EFCAB6: variants seen among roughly 807,000 people sequenced by gnomAD.
The protein encoded by EFCAB6 is EF-hand calcium-binding domain-containing protein 6.
Under a neutral mutation model 169.8 loss-of-function variants are expected in EFCAB6, and 156 were observed. The observed-to-expected ratio is 0.92, with a 90% confidence interval of 0.81 to 1.05. The LOEUF (loss-of-function observed/expected upper bound fraction) is 1.05, where lower values mean the gene tolerates loss of function less well. Ranked by LOEUF, EFCAB6 falls within the 50% of genes least tolerant of loss-of-function variation. The probability of loss-of-function intolerance (pLI) is 0.00; values close to 1 mark genes in which losing one functional copy is unlikely to be tolerated. For missense variants in EFCAB6, 1,800 were observed against 1,829.1 expected (o/e 0.98, Z 0.29); for synonymous variants, 698 against 676.4 (o/e 1.03, Z -0.50).
chr22:43,633,364 A>G (rs1189349895), intron 18 of EFCAB6, among the ~76,000 whole-genome samples: 2 of 152,230 alleles, frequency 1.3e-5, no homozygotes, highest in African/African-American at 4.8e-5. Flanking sequence ...CCTGGCCAAC[A>G]TGGTGAAACC....
chr22:43,752,172 C>T (rs966961618), intron 6 of EFCAB6, among the ~76,000 whole-genome samples: 4 of 137,936 alleles, frequency 2.9e-5, no homozygotes, highest in African/African-American at 1.1e-4. Context: ...GGCTGGAGTA[C>T]AGTGGCACTA....
chr22:43,731,184 TAA>T (rs2059933488), intron 8 of EFCAB6, among the ~76,000 whole-genome samples: 1 of 152,064 alleles, frequency 6.6e-6, no homozygotes, highest in African/African-American at 2.4e-5. Context: ...GAGGCTGGAG[TAA>T]AGACTGTTCG....
chr22:43,587,440 C>T (rs2051152107), intron 24 of EFCAB6, among the ~76,000 whole-genome samples: 1 of 152,200 alleles, frequency 6.6e-6, no homozygotes, highest in Non-Finnish European at 1.5e-5. Flanking sequence ...AATGAGTTCC[C>T]TGTTGTTGGC....
intron 2 of EFCAB6, 131 bp from the exon 3 acceptor site, chr22:43,782,456 TTG>T: frequency 1.3e-6 from 1 of 742,424 alleles, no homozygotes; most frequent in Non-Finnish European, 2.1e-6. Flanking sequence ...ATAATCTGCT[TTG>T]CTGATGTTTC....
intron 26 of EFCAB6, among the ~76,000 whole-genome samples, chr22:43,557,346 A>T (rs186499778): frequency 6.6e-6 from 1 of 152,384 alleles, no homozygotes; most frequent in East Asian, 1.9e-4. Context: ...ACAAAGTATT[A>T]TGTGCAACCT....
chr22:43,697,810 G>A (rs1211666761), intron 10 of EFCAB6, among the ~76,000 whole-genome samples: 2 of 152,126 alleles, frequency 1.3e-5, no homozygotes, highest in Non-Finnish European at 1.5e-5. Context: ...ATCGTAGCAT[G>A]TGACTTCACG....
intron 27 of EFCAB6, among the ~76,000 whole-genome samples, chr22:43,541,919 T>C (rs898875391): frequency 1.3e-5 from 2 of 152,238 alleles, no homozygotes; most frequent in East Asian, 1.9e-4. Flanking sequence ...TGTTTGCTCA[T>C]TGGCTGAAGT....
At chr22:43,734,332 C>T (rs1459774650) in intron 7 of EFCAB6, among the ~76,000 whole-genome samples, 1 of 152,172 alleles carries the variant, frequency 6.6e-6, no homozygotes, top group Non-Finnish European at 1.5e-5. Flanking sequence ...TACTTTTGAT[C>T]TTCTGTGTTT....
At chr22:43,703,408 T>C (rs1472612386) in intron 10 of EFCAB6, among the ~76,000 whole-genome samples, 1 of 152,162 alleles carries the variant, frequency 6.6e-6, no homozygotes, top group East Asian at 1.9e-4. Context: ...TGGTTGTCTT[T>C]TCAAATGCAT....
At chr22:43,777,227 G>A (rs1363921371) in intron 3 of EFCAB6, among the ~76,000 whole-genome samples, 4 of 152,332 alleles carry the variant, frequency 2.6e-5, no homozygotes, top group East Asian at 1.9e-4. Flanking sequence ...CGAGAGACCC[G>A]TTTAGCCAGT....
intron 27 of EFCAB6, 112 bp from the exon 28 acceptor site, chr22:43,540,469 G>A (rs760410320): frequency 2.4e-5 from 37 of 1,571,120 alleles, no homozygotes; most frequent in South Asian, 2.3e-5. Context: ...GAGCACTCAC[G>A]TGACTGGTGA....
At chr22:43,623,617 C>A (rs1300317845) in intron 20 of EFCAB6, among the ~76,000 whole-genome samples, 1 of 150,760 alleles carries the variant, frequency 6.6e-6, no homozygotes, top group Non-Finnish European at 1.5e-5. Flanking sequence ...GGTATCCGGC[C>A]AGGCGCGGTG....
At chr22:43,796,032 C>G (rs940650954) in intron 2 of EFCAB6, among the ~76,000 whole-genome samples, 23 of 151,098 alleles carry the variant, frequency 1.5e-4, no homozygotes, top group Non-Finnish European at 2.8e-4. Flanking sequence ...ACTTACCCCC[C>G]ACAGACACAC....
At chr22:43,749,604 T>TG (rs1321974735) in intron 6 of EFCAB6, among the ~76,000 whole-genome samples, 2 of 152,164 alleles carry the variant, frequency 1.3e-5, no homozygotes, top group Non-Finnish European at 2.9e-5. Flanking sequence ...CTAATGCCGC[T>TG]GCTGATCTGA....
Position 43,576,285 on chromosome 22 carries a change from A to G in EFCAB6, c.3420+12T>C. ...TTTCAAAGAGATGCTTATGTGCTGC[A>G]GACATTCTTACCTCCTCAAGGAAAC... On this transcript the variant is annotated intron_variant, in intron 26 of 31. Transcript: ENST00000262726. The G allele has an allele frequency of 7.0e-6, 11 of 1,570,238 alleles. No individual in the cohort carries two copies. Among genetic ancestry groups the G allele is most frequent in the Non-Finnish European group, 9.4e-6 (11 of 1,167,868 alleles).
chr22:43,753,282 C>G (rs964933658), intron 6 of EFCAB6, among the ~76,000 whole-genome samples: 1 of 152,200 alleles, frequency 6.6e-6, no homozygotes, highest in African/African-American at 2.4e-5. Flanking sequence ...CACATGAAAG[C>G]AGAGGGTCAA....
At chr22:43,767,752 C>T (rs2061359759) in intron 4 of EFCAB6, among the ~76,000 whole-genome samples, 1 of 152,192 alleles carries the variant, frequency 6.6e-6, no homozygotes, top group South Asian at 2.1e-4. Context: ...ATTATTCAAG[C>T]TTTCATTGCA....
Position 43,586,340 on chromosome 22 carries a change from A to ATTTTTTTT in EFCAB6, c.3032+3726_3032+3733dup, listed in dbSNP as rs36058832. Reference sequence around the variant, plus strand: ...ACTGTAAACTCTTGAGCAACAACTGATTTTTTTTTTTTTTTTTTTTTTTTT... The same window carrying ATTTTTTTT: ...ACTGTAAACTCTTGAGCAACAACTGATTTTTTTTTTTTTTTTTTTTTTTTTTTTTTTTT... On this transcript the variant is annotated intron_variant, in intron 24 of 31. Transcript: ENST00000262726. 9.0e-3 allele frequency among the ~76,000 whole-genome samples: 656 copies of ATTTTTTTT among 72,872 alleles called. 63 individuals carry two copies. Among genetic ancestry groups the ATTTTTTTT allele is most frequent in the African/African-American group, 0.024 (375 of 15,422 alleles). The allele number at this position is 72,872 out of a possible 152,430, so 47.8% of individuals were successfully genotyped here. A position where few individuals can be genotyped will look rare whatever the true frequency, so the allele number is the denominator to read the frequency against.
chr22:43,714,162 T>C (rs1429847892), intron 9 of EFCAB6, among the ~76,000 whole-genome samples: 1 of 152,060 alleles, frequency 6.6e-6, no homozygotes, highest in Non-Finnish European at 1.5e-5. Flanking sequence ...ACAGCAAGAA[T>C]AAGAGGCAAG....
Sources: allele counts gnomAD v4.1 joint callset (sites outside exome capture counted in the v4.1 genomes callset), GRCh38; gene constraint gnomAD v4.1.1; transcripts MANE v1.5; gene names NCBI Gene and HGNC (gene_info 2026-07-23, HGNC 2026-07-21).